Variants in TRIM59 observed in about 807,000 individuals in gnomAD.
TRIM59 encodes tripartite motif-containing protein 59.
TRIM59 carries 14 observed loss-of-function variants against 32.2 expected under a neutral mutation model. The observed-to-expected ratio is 0.43, with a 90% CI of 0.29 to 0.68. The LOEUF (loss-of-function observed/expected upper bound fraction) is 0.68. Ranked by LOEUF, TRIM59 falls within the 30% of genes least tolerant of loss-of-function variation. The pLI is 0.15. For synonymous variants in TRIM59, 163 were observed against 155.1 expected, an observed-to-expected ratio of 1.05 and a Z score of -0.38; for missense variants, 471 against 463.3, an observed-to-expected ratio of 1.02 and a Z score of -0.15.
rs1248501157 is a variant in TRIM59 at position 160,436,293 on chromosome 3, C to T, written c.*1679G>A. The T allele has an allele frequency of 1.0e-6, 1 of 986,938 alleles. No homozygotes were observed. Among genetic ancestry groups the T allele is most frequent in the East Asian group, 1.1e-4 (1 of 8,858 alleles). The allele number at this position is 986,938 out of a possible 1,614,324, so 61.1% of individuals were successfully genotyped here. A position where few individuals can be genotyped will look rare whatever the true frequency, so the allele number is the denominator to read the frequency against. On this transcript the variant is annotated 3_prime_UTR_variant, in exon 3 of 3. Coordinates refer to ENST00000309784, the MANE Select transcript of TRIM59 (RefSeq NM_173084.3). ...GGGCCAGGAGCATAGTCTAATCTGACCCAGAATGTCTTTTTGATTTGATAT... is the reference window on the plus strand; with the variant it reads ...GGGCCAGGAGCATAGTCTAATCTGATCCAGAATGTCTTTTTGATTTGATAT...
chr3:160,438,509 C>T lies in TRIM59; in HGVS notation c.675G>A (p.Met225Ile), dbSNP rs764008576. The stretch of plus-strand genomic sequence containing the variant: ...CAAGCTGCTGCTCTCGTATTTCCTT[C>T]ATTCTTTCAATTTGTGGAGTATATT... ...NQEYTPQIER[M>I]KEIREQQLEL... Residue 225 changes from methionine (M) to isoleucine (I), a missense_variant, in exon 3 of 3, where the codon ATG (methionine) becomes ATA (isoleucine). Coordinates refer to ENST00000309784, the MANE Select transcript of TRIM59 (RefSeq NM_173084.3). 1 of 1,612,176 alleles carries T rather than the reference C, an allele frequency of 6.2e-7. No homozygotes were observed. Among genetic ancestry groups the T allele is most frequent in the African/African-American group, 1.3e-5 (1 of 74,748 alleles).
Position 160,440,021 on chromosome 3 carries a change from T to C in TRIM59, c.-3-835A>G, listed in dbSNP as rs369694878. Among the ~76,000 whole-genome samples, 33 of 152,324 alleles carry C rather than the reference T, an allele frequency of 2.2e-4. No homozygotes were observed. In the East Asian group the frequency reaches 5.4e-3, roughly 25 times the overall value. ...TTCTTTAACACAAAAGGAGGAAACA[T>C]GTCCCAGTTGGCTCAATAATGGTTT... is the stretch of plus-strand genomic sequence containing the variant. On this transcript the variant is annotated intron_variant, in intron 2 of 2. Coordinates refer to ENST00000309784, the MANE Select transcript of TRIM59 (RefSeq NM_173084.3).
Position 160,439,009 on chromosome 3 carries a change from A to G in TRIM59, c.175T>C (p.Cys59Arg). The G allele has an allele frequency of 6.2e-7, 1 of 1,613,298 alleles. No homozygotes were observed. The highest frequency in any genetic ancestry group is 2.2e-5 in the East Asian group (1 of 44,860). The change falls in exon 3 of 3, where the codon TGC becomes CGC. Residue 59 changes from cysteine (C) to arginine (R), a missense_variant. Cys to Arg is a radical substitution (Grantham distance 180). Coordinates refer to ENST00000309784, the MANE Select transcript of TRIM59 (RefSeq NM_173084.3). ...PLRIPLKCPN[C>R]RSITEIAPTG... ...GGAGCAATTTCAGTAATACTTCTGC[A>G]ATTAGGGCACTTGAGTGGAATTCGT...
rs1264677838 is a variant in TRIM59, at chr3:160,438,133, GTT to G, written c.1049_1050del (p.Gln350ProfsTer8). 8 of 1,611,946 alleles carry G rather than the reference GTT, an allele frequency of 5.0e-6. No homozygotes were observed. In the Admixed American group the frequency reaches 1.0e-4, roughly 20 times the overall value. The stretch of plus-strand genomic sequence containing the variant: ...ATTTCACTTAAAAAGGTTATGATGT[GTT>G]GGTTGAAAAAGAGTATCGACATCAG... The part of the protein sequence containing the change: ...VILMSILFFN[Q>X]HIITFLSEIT... On this transcript the variant is annotated frameshift_variant, in exon 3 of 3. Transcript: ENST00000309784. LOFTEE classifies it high-confidence loss of function.
rs564314735 is a variant in TRIM59, at chr3:160,443,015, G to A, written c.-3-3829C>T. Among the ~76,000 whole-genome samples, 7 of 152,244 alleles carry A rather than the reference G, an allele frequency of 4.6e-5. No homozygotes were observed. In the East Asian group the frequency reaches 9.7e-4, roughly 21 times the overall value. On this transcript the variant is annotated intron_variant, in intron 2 of 2. Coordinates refer to ENST00000309784, the MANE Select transcript of TRIM59 (RefSeq NM_173084.3). The stretch of plus-strand genomic sequence containing the variant: ...ACGCCTATAATCCCAGCTACGCGGG[G>A]AGCTGAGGCAGGAGGATCACTTGAG...
In TRIM59 at chr3:160,438,304, T is replaced by C. The variant is rs146718769; in HGVS notation, c.880A>G (p.Ile294Val). 1,114 of 1,613,764 alleles carry C rather than the reference T, an allele frequency of 6.9e-4. 9 individuals carry two copies. Among genetic ancestry groups the C allele is most frequent in the East Asian group, 5.6e-3 (253 of 44,870 alleles). ...ATGAGAACGTTCTTAATTTGTCCAA[T>C]TTCTGTTCTGCTCCATTCTTCTTTC... ...ILKEEWSRTE[I>V]GQIKNVLIPK... is the part of the protein sequence containing the mutation. The change falls in exon 3 of 3, where the codon ATT (isoleucine) becomes GTT (valine). Residue 294 changes from isoleucine (I) to valine (V), a missense_variant. Ile to Val is a conservative substitution (Grantham distance 29, BLOSUM62 3). Transcript: ENST00000309784.
At position 160,439,050 on chromosome 3, in the gene TRIM59, TAA is replaced by T; in HGVS notation, c.132_133del (p.Phe44LeufsTer14). On this transcript the variant is annotated frameshift_variant, in exon 3 of 3. Transcript: ENST00000309784. LOFTEE classifies it high-confidence loss of function. ...TGGAATTCGTAAAGGTCTCCATATA[TAA>T]AAGTTACCAGATGCCTGAAGAATGT... is the stretch of plus-strand genomic sequence containing the variant. The T allele has an allele frequency of 1.3e-6, 2 of 1,587,566 alleles. No homozygotes were observed. Among genetic ancestry groups the T allele is most frequent in the African/African-American group, 1.4e-5 (1 of 73,912 alleles).
chr3:160,446,258 G>T (rs1259402972), intron 2 of TRIM59, among the ~76,000 whole-genome samples: 1 of 152,052 alleles, frequency 6.6e-6, no homozygotes, highest in Non-Finnish European at 1.5e-5. Flanking sequence ...AACTGTTCCA[G>T]AATACAAATA....
At position 160,438,886 on chromosome 3, in the gene TRIM59, G is replaced by A; in HGVS notation, c.298C>T (p.His100Tyr). ...TAAACATTTAATGGTTGCCTGTAAT[G>A]TTCAGGGCAGGTGACAATATCTGGA... ...DHPDIVTCPEHYRQPLNVYCL... is the reference protein window; with the variant it reads ...DHPDIVTCPEYYRQPLNVYCL... The change falls in exon 3 of 3, where the codon CAT (histidine) becomes TAT (tyrosine). Residue 100 changes from histidine (H) to tyrosine (Y), a missense_variant. Transcript: ENST00000309784. 6.2e-7 allele frequency: 1 copy of A among 1,614,016 alleles called. No individual in the cohort carries two copies. The highest frequency in any genetic ancestry group is 8.5e-7 in the Non-Finnish European group (1 of 1,179,918).
intron 2 of TRIM59, among the ~76,000 whole-genome samples, chr3:160,444,914 A>G (rs1452198454): frequency 1.3e-5 from 2 of 152,234 alleles, no homozygotes; most frequent in African/African-American, 4.8e-5. Flanking sequence ...CACAAAGACT[A>G]GAAGGAAAGG....
chr3:160,440,022 G>A (rs549325784), intron 2 of TRIM59, among the ~76,000 whole-genome samples: 1 of 152,156 alleles, frequency 6.6e-6, no homozygotes, highest in Non-Finnish European at 1.5e-5. Context: ...GAGGAAACAT[G>A]TCCCAGTTGG....
intron 2 of TRIM59, among the ~76,000 whole-genome samples, chr3:160,442,433 T>C (rs377436662): frequency 6.6e-6 from 1 of 151,946 alleles, no homozygotes; most frequent in South Asian, 2.1e-4. Context: ...AATACAAAAA[T>C]TAGCCAGGCA....
At chr3:160,441,842 A>G (rs1159494153) in intron 2 of TRIM59, among the ~76,000 whole-genome samples, 1 of 152,184 alleles carries the variant, frequency 6.6e-6, no homozygotes, top group Non-Finnish European at 1.5e-5. Context: ...AGTGTGTCAC[A>G]CAGAGACTAA....
Position 160,437,543 on chromosome 3 carries a change from C to T in TRIM59, c.*429G>A, listed in dbSNP as rs1448252131. 4 of 985,872 alleles carry T rather than the reference C, an allele frequency of 4.1e-6. No individual in the cohort carries two copies. Among genetic ancestry groups the T allele is most frequent in the Admixed American group, 6.1e-5 (1 of 16,274 alleles). 61.1% of individuals were successfully genotyped at this position (985,872 alleles called of 1,614,324 possible). A position where few individuals can be genotyped will look rare whatever the true frequency, so the allele number is the denominator to read the frequency against. ...TTGCTTGATTTTGAAACCTTTCTAT[C>T]ATCCTTATTCACCCATTCAAAAGCT... On this transcript the variant is annotated 3_prime_UTR_variant, in exon 3 of 3. Transcript: ENST00000309784.
intron 2 of TRIM59, among the ~76,000 whole-genome samples, chr3:160,442,991 C>T (rs181898076): frequency 2.0e-4 from 30 of 152,272 alleles, no homozygotes; most frequent in Non-Finnish European, 2.5e-4. Context: ...CAGTGATACA[C>T]GCCTATAATC....
rs1310297097 is a variant in TRIM59, at chr3:160,436,289, C to G, written c.*1683G>C. 1.0e-6 allele frequency: 1 copy of G among 987,430 alleles called. No individual in the cohort carries two copies. The highest frequency in any genetic ancestry group is 6.1e-5 in the Admixed American group (1 of 16,326). 61.2% of individuals were successfully genotyped at this position (987,430 alleles called of 1,614,324 possible). On this transcript the variant is annotated 3_prime_UTR_variant, in exon 3 of 3. Coordinates refer to ENST00000309784, the MANE Select transcript of TRIM59 (RefSeq NM_173084.3). ...TGTAGGGCCAGGAGCATAGTCTAATCTGACCCAGAATGTCTTTTTGATTTG... is the reference window on the plus strand; with the variant it reads ...TGTAGGGCCAGGAGCATAGTCTAATGTGACCCAGAATGTCTTTTTGATTTG...
intron 2 of TRIM59, among the ~76,000 whole-genome samples, chr3:160,440,958 C>T (rs1412323578): frequency 1.3e-5 from 2 of 152,096 alleles, no homozygotes; most frequent in Non-Finnish European, 2.9e-5. Flanking sequence ...TAAAGGTTAC[C>T]AAATCACATG....
intron 2 of TRIM59, among the ~76,000 whole-genome samples, chr3:160,440,362 T>G (rs1335912348): frequency 1.3e-5 from 2 of 152,250 alleles, no homozygotes; most frequent in Non-Finnish European, 2.9e-5. Flanking sequence ...TCGATCCGTA[T>G]TTCTCTGAGA....
chr3:160,437,721 T>C lies in TRIM59; in HGVS notation c.*251A>G, dbSNP rs1424119841. The C allele has an allele frequency of 8.8e-7, 1 of 1,131,186 alleles. No homozygotes were observed. Among genetic ancestry groups the C allele is most frequent in the South Asian group, 4.1e-5 (1 of 24,402 alleles). The allele number at this position is 1,131,186 out of a possible 1,614,324, so 70.1% of individuals were successfully genotyped here. On this transcript the variant is annotated 3_prime_UTR_variant, in exon 3 of 3. Coordinates refer to ENST00000309784, the MANE Select transcript of TRIM59 (RefSeq NM_173084.3). Reference sequence around the variant, plus strand: ...TGTCACAGCAACATTATGTCAACCATCATAAAGCCAATAAAAATGGGATAG... The same window carrying C: ...TGTCACAGCAACATTATGTCAACCACCATAAAGCCAATAAAAATGGGATAG...
Sources: gnomAD v4.1 joint callset for allele counts (sites outside exome capture counted in the v4.1 genomes callset) on GRCh38, gnomAD v4.1.1 for gene constraint, MANE v1.5 for transcripts, NCBI Gene and HGNC (gene_info 2026-07-23, HGNC 2026-07-21) for gene names.